The following GRB10 variants were observed in gnomAD, a reference collection of about 807,000 sequenced individuals.
GRB10 encodes the protein growth factor receptor-bound protein 10.
A neutral mutation model predicts 80.9 loss-of-function variants in GRB10; 20 were observed. The observed-to-expected ratio is 0.25, with a 90% CI of 0.17 to 0.36. GRB10 has a LOEUF of 0.36. Among genes scored for constraint, GRB10 ranks in the 10% least tolerant of loss-of-function variants. The probability of loss-of-function intolerance (pLI) is 1.00; values close to 1 mark genes in which losing one functional copy is unlikely to be tolerated. For missense variants in GRB10, 548 were observed against 747.7 expected (o/e 0.73, Z 3.12); for synonymous variants, 291 against 291.5 (o/e 1.00, Z 0.02).
chr7:50,743,767 C>T (rs776868484), intron 3 of GRB10, among the ~76,000 whole-genome samples: 9 of 152,234 alleles, frequency 5.9e-5, no homozygotes, highest in Non-Finnish European at 8.8e-5. Flanking sequence ...ACCACTAGCA[C>T]TGGTGTCAGA....
intron 8 of GRB10, among the ~76,000 whole-genome samples, chr7:50,619,944 G>A (rs796774686): frequency 4.6e-5 from 7 of 152,276 alleles, no homozygotes; most frequent in African/African-American, 1.7e-4. Flanking sequence ...ACACATGCAC[G>A]TACGCACACG....
chr7:50,710,823 G>A, intron 4 of GRB10: 6 of 1,585,122 alleles, frequency 3.8e-6, no homozygotes, highest in Non-Finnish European at 4.3e-6. Flanking sequence ...TAAATAAAGG[G>A]CTTGCCCAGC....
chr7:50,772,051 A>G (rs768826739), intron 2 of GRB10, among the ~76,000 whole-genome samples: 5 of 152,226 alleles, frequency 3.3e-5, no homozygotes, highest in Non-Finnish European at 5.9e-5. Context: ...CAAGAGGCGA[A>G]GTGAAATTGT....
intron 5 of GRB10, 120 bp downstream of exon 5, chr7:50,703,698 AAAG>A: frequency 1.4e-6 from 1 of 724,920 alleles, no homozygotes; most frequent in Non-Finnish European, 2.5e-6. Context: ...CTTAATGAGA[AAAG>A]AAGAACCAAT....
At chr7:50,769,112 G>T (rs1468947971) in intron 2 of GRB10, among the ~76,000 whole-genome samples, 1 of 152,168 alleles carries the variant, frequency 6.6e-6, no homozygotes, top group Non-Finnish European at 1.5e-5. Context: ...TCCCCATGAT[G>T]AGGCTGTGTT....
At chr7:50,777,749 G>C (rs1163907473) in intron 2 of GRB10, among the ~76,000 whole-genome samples, 2 of 152,172 alleles carry the variant, frequency 1.3e-5, no homozygotes, top group African/African-American at 4.8e-5. Context: ...AAAGGAATGA[G>C]ATCATGTCCT....
chr7:50,747,761 G>C (rs910457458), intron 3 of GRB10: 2 of 152,372 alleles, frequency 1.3e-5, no homozygotes, highest in African/African-American at 4.8e-5. Context: ...GAGAGAAGTG[G>C]TGCATTCTGA....
chr7:50,645,167 G>C (rs1586248843), intron 7 of GRB10, among the ~76,000 whole-genome samples: 1 of 152,250 alleles, frequency 6.6e-6, no homozygotes, highest in East Asian at 1.9e-4. Flanking sequence ...TATTTGCTAT[G>C]AATACAGTTG....
At chr7:50,701,551 T>C (rs1406962562) in intron 5 of GRB10, among the ~76,000 whole-genome samples, 2 of 152,228 alleles carry the variant, frequency 1.3e-5, no homozygotes, top group Non-Finnish European at 2.9e-5. Flanking sequence ...CGAGCTGCTC[T>C]CCGGCCTGGG....
At chr7:50,672,525 C>G (rs2153638932) in intron 6 of GRB10, among the ~76,000 whole-genome samples, 1 of 152,226 alleles carries the variant, frequency 6.6e-6, no homozygotes. Context: ...GAGAGGACAC[C>G]AGAGAGAAGA....
intron 12 of GRB10, among the ~76,000 whole-genome samples, chr7:50,614,313 C>T (rs2050136915): frequency 6.6e-6 from 1 of 152,182 alleles, no homozygotes; most frequent in Non-Finnish European, 1.5e-5. Context: ...CCAGCACACA[C>T]ATGCATGCAG....
chr7:50,603,857 C>T, intron 17 of GRB10, 141 bp downstream of exon 17: 1 of 815,428 alleles, frequency 1.2e-6, no homozygotes, highest in Non-Finnish European at 2.2e-6. Context: ...ACTTATACCT[C>T]TAGCCTACCT....
intron 13 of GRB10, 200 bp from the exon 14 acceptor site, chr7:50,606,614 G>A (rs370293765): frequency 1.2e-4 from 75 of 600,288 alleles, no homozygotes; most frequent in Middle Eastern, 8.8e-4. Flanking sequence ...TAAAAAATCC[G>A]AGTATAGCTT....
intron 3 of GRB10, among the ~76,000 whole-genome samples, chr7:50,745,497 A>C (rs894233234): frequency 6.6e-6 from 1 of 152,336 alleles, no homozygotes; most frequent in South Asian, 2.1e-4. Context: ...TGCCATGACA[A>C]CACATTACCA....
At chr7:50,708,532 C>T (rs1225444253) in intron 4 of GRB10, among the ~76,000 whole-genome samples, 1 of 152,180 alleles carries the variant, frequency 6.6e-6, no homozygotes, top group East Asian at 1.9e-4. Flanking sequence ...GTAATGAACA[C>T]AGGGACAAGA....
At chr7:50,661,870 C>T (rs1361593447) in intron 7 of GRB10, among the ~76,000 whole-genome samples, 2 of 152,184 alleles carry the variant, frequency 1.3e-5, no homozygotes, top group African/African-American at 4.8e-5. Context: ...CACCAGCTGC[C>T]GTTGTGGAGA....
intron 7 of GRB10, among the ~76,000 whole-genome samples, chr7:50,641,173 C>T (rs1318757313): frequency 6.7e-6 from 1 of 148,544 alleles, no homozygotes; most frequent in Admixed American, 6.8e-5. Flanking sequence ...CTTGCTCTTG[C>T]TCACTCTGCA....
intron 8 of GRB10, among the ~76,000 whole-genome samples, chr7:50,619,835 G>A (rs1399155765): frequency 6.6e-6 from 1 of 152,178 alleles, no homozygotes; most frequent in Non-Finnish European, 1.5e-5. Context: ...AAGCCCGCAC[G>A]CACATCATGG....
At chr7:50,746,181 T>G (rs2072858827) in intron 3 of GRB10, among the ~76,000 whole-genome samples, 1 of 152,232 alleles carries the variant, frequency 6.6e-6, no homozygotes. Flanking sequence ...GATGAGTTGA[T>G]GAGGATGTAA....
Sources: allele counts gnomAD v4.1 joint callset (sites outside exome capture counted in the v4.1 genomes callset), GRCh38; gene constraint gnomAD v4.1.1; transcripts MANE v1.5; gene names NCBI Gene and HGNC (gene_info 2026-07-23, HGNC 2026-07-21).